The following MCTP1 variants were observed in gnomAD, a reference collection of about 807,000 sequenced individuals.
MCTP1 encodes multiple C2 and transmembrane domain containing 1.
MCTP1 carries 69 observed loss-of-function variants against 120.6 expected under a neutral mutation model. The observed-to-expected ratio is 0.57, with a 90% CI of 0.47 to 0.70. The LOEUF is 0.70. Ranked by LOEUF, MCTP1 falls within the 30% of genes least tolerant of loss-of-function variation. The probability of loss-of-function intolerance (pLI) is 0.00; values close to 1 mark genes in which losing one functional copy is unlikely to be tolerated. For synonymous variants in MCTP1, 529 were observed against 493.1 expected, an observed-to-expected ratio of 1.07 and a Z score of -0.96; for missense variants, 1,203 against 1,248.8, an observed-to-expected ratio of 0.96 and a Z score of 0.55.
At chr5:95,140,051 C>T (rs370485272) in intron 1 of MCTP1, among the ~76,000 whole-genome samples, 1 of 152,204 alleles carries the variant, frequency 6.6e-6, no homozygotes, top group Non-Finnish European at 1.5e-5. Context: ...ACTTTCATCT[C>T]AGCTTGACCT....
At chr5:94,873,300 C>A in intron 12 of MCTP1, 59 bp from the exon 13 acceptor site, 2 of 956,966 alleles carry the variant, frequency 2.1e-6, no homozygotes, top group South Asian at 2.7e-5. Flanking sequence ...TTCACAGTGT[C>A]AAGATCATGA....
At chr5:95,011,178 C>T (rs1464090135) in intron 2 of MCTP1, among the ~76,000 whole-genome samples, 1 of 152,112 alleles carries the variant, frequency 6.6e-6, no homozygotes, top group Non-Finnish European at 1.5e-5. Flanking sequence ...CTTCGAAATG[C>T]TGCAAAATTC....
chr5:94,880,403 A>G (rs1799805910), intron 12 of MCTP1, among the ~76,000 whole-genome samples: 1 of 152,172 alleles, frequency 6.6e-6, no homozygotes, highest in South Asian at 2.1e-4. Context: ...GACCTTTTGC[A>G]GTGAAATAAC....
Position 94,724,490 on chromosome 5 carries a change from A to G in MCTP1, c.2611-9604T>C, listed in dbSNP as rs544116495. 5.3e-5 allele frequency among the ~76,000 whole-genome samples: 8 copies of G among 150,816 alleles called. No homozygotes were observed. In the South Asian group the frequency reaches 8.4e-4, roughly 16 times the overall value. ...TAGTCTCAAATTCTTGGGTTCAAGC[A>G]ATCCTCCCACCTTGGTCTCCCAAAG... is the stretch of plus-strand genomic sequence containing the variant. On this transcript the variant is annotated intron_variant, in intron 19 of 22. Transcript: ENST00000515393.
At chr5:94,812,645 T>C (rs1783676663) in intron 17 of MCTP1, among the ~76,000 whole-genome samples, 1 of 151,748 alleles carries the variant, frequency 6.6e-6, no homozygotes, top group Admixed American at 6.6e-5. Flanking sequence ...ACACCTGTAG[T>C]CTTAGCTACT....
intron 3 of MCTP1, among the ~76,000 whole-genome samples, chr5:94,950,321 T>C (rs1820165451): frequency 6.7e-6 from 1 of 149,224 alleles, no homozygotes; most frequent in South Asian, 2.1e-4. Context: ...TATCCTCTTC[T>C]GTATGGTAGA....
At chr5:94,935,367 A>T (rs930723947) in intron 5 of MCTP1, among the ~76,000 whole-genome samples, 1 of 152,012 alleles carries the variant, frequency 6.6e-6, no homozygotes, top group African/African-American at 2.4e-5. Flanking sequence ...TGCATAATTC[A>T]TGGAACGTAT....
rs145892365 is a variant in MCTP1, at chr5:94,876,435, C to A, written c.1934-3194G>T. ...GTTCCAGACAGTGGTATAAAGAAGT[C>A]CTCTGTAATGTTTTTATTCAATACC... On this transcript the variant is annotated intron_variant, in intron 12 of 22. Coordinates refer to ENST00000515393, the MANE Select transcript of MCTP1 (RefSeq NM_024717.7). 9.5e-4 allele frequency among the ~76,000 whole-genome samples: 144 copies of A among 152,066 alleles called. 2 individuals are homozygous for A. In the East Asian group the frequency reaches 0.022, roughly 23 times the overall value.
chr5:94,799,138 G>A lies in MCTP1; in HGVS notation c.2437-6C>T. ...CAGACAACAAAGAGAAAGAGCTGGA[G>A]GAGATAGAAGAGAGAAGAAGGGATG... On this transcript the variant is annotated splice_region_variant and splice_polypyrimidine_tract_variant and intron_variant, in intron 17 of 22. Transcript: ENST00000515393. 6.2e-7 allele frequency: 1 copy of A among 1,609,820 alleles called. No individual in the cohort carries two copies. The highest frequency in any genetic ancestry group is 8.5e-7 in the Non-Finnish European group (1 of 1,177,674).
At chr5:94,981,629 CAG>C (rs1829436294) in intron 2 of MCTP1, among the ~76,000 whole-genome samples, 1 of 152,064 alleles carries the variant, frequency 6.6e-6, no homozygotes, top group African/African-American at 2.4e-5. Flanking sequence ...CATGGAACAA[CAG>C]AGAGTTGGGT....
chr5:94,819,078 A>AATTTATTT (rs10526286), intron 17 of MCTP1, among the ~76,000 whole-genome samples: 2,746 of 140,216 alleles, frequency 0.02, 47 homozygotes, highest in Middle Eastern at 0.03. Flanking sequence ...AACTACTTCA[A>AATTTATTT]ATTTATTTAT....
chr5:94,786,453 A>T (rs1734461422), intron 18 of MCTP1, among the ~76,000 whole-genome samples: 1 of 152,194 alleles, frequency 6.6e-6, no homozygotes, highest in Non-Finnish European at 1.5e-5. Context: ...CTCACAAAAG[A>T]AAGTCCTAGT....
At chr5:94,981,154 T>A (rs1420408035) in intron 2 of MCTP1, among the ~76,000 whole-genome samples, 1 of 152,170 alleles carries the variant, frequency 6.6e-6, no homozygotes, top group Non-Finnish European at 1.5e-5. Context: ...TGGGTCCCTG[T>A]TCTTATCTTC....
chr5:94,861,271 G>A (rs1303499867), intron 17 of MCTP1, among the ~76,000 whole-genome samples: 2 of 151,792 alleles, frequency 1.3e-5, no homozygotes, highest in Non-Finnish European at 2.9e-5. Flanking sequence ...CAAGAGAAGG[G>A]GCAAAGTAAA....
At chr5:95,267,884 A>C (rs890558672) in intron 1 of MCTP1, among the ~76,000 whole-genome samples, 1 of 152,238 alleles carries the variant, frequency 6.6e-6, no homozygotes, top group African/African-American at 2.4e-5. Flanking sequence ...CCCACTGCCC[A>C]GGCAATCTTC....
At chr5:95,278,715 C>G (rs1050329347) in intron 1 of MCTP1, among the ~76,000 whole-genome samples, 1 of 152,092 alleles carries the variant, frequency 6.6e-6, no homozygotes, top group African/African-American at 2.4e-5. Flanking sequence ...GTAATCCCAA[C>G]ACCTTGGGAG....
chr5:94,859,648 C>T (rs1250803242), intron 17 of MCTP1, among the ~76,000 whole-genome samples: 1 of 151,678 alleles, frequency 6.6e-6, no homozygotes, highest in African/African-American at 2.4e-5. Flanking sequence ...TACTGACACT[C>T]TTTAAGTTTT....
chr5:94,723,876 A>C (rs901700296), intron 19 of MCTP1, among the ~76,000 whole-genome samples: 1 of 152,178 alleles, frequency 6.6e-6, no homozygotes, highest in African/African-American at 2.4e-5. Flanking sequence ...AGAATGGAAA[A>C]AAAAGAAAAA....
chr5:94,812,498 A>AAC (rs1554104221), intron 17 of MCTP1, among the ~76,000 whole-genome samples: 1 of 151,024 alleles, frequency 6.6e-6, no homozygotes, highest in African/African-American at 2.4e-5. Context: ...AAACAAAACA[A>AAC]AAAAAAAACC....
Sources: allele counts gnomAD v4.1 joint callset (sites outside exome capture counted in the v4.1 genomes callset), GRCh38; gene constraint gnomAD v4.1.1; transcripts MANE v1.5; gene names NCBI Gene and HGNC (gene_info 2026-07-23, HGNC 2026-07-21).